TUBGCP4: variants seen among roughly 807,000 people sequenced by gnomAD.
The protein encoded by TUBGCP4 is gamma-tubulin complex component 4.
A neutral mutation model predicts 91.6 loss-of-function variants in TUBGCP4; 54 were observed. The ratio of observed to expected loss-of-function variants is 0.59; its 90% CI spans 0.47 to 0.74. The LOEUF (loss-of-function observed/expected upper bound fraction) is 0.74, where lower values mean the gene tolerates loss of function less well. Ranked by LOEUF, TUBGCP4 falls within the 30% of genes least tolerant of loss-of-function variation. TUBGCP4 has a pLI of 0.00. For missense variants in TUBGCP4, 593 were observed against 800.9 expected (o/e 0.74, Z 3.13); for synonymous variants, 297 against 302.8 (o/e 0.98, Z 0.20).
At position 43,406,902 on chromosome 15, in the gene TUBGCP4, G is replaced by T. The variant is rs2044912811; in HGVS notation, c.*1688G>T. On this transcript the variant is annotated 3_prime_UTR_variant, in exon 18 of 18. Coordinates refer to ENST00000564079, the MANE Select transcript of TUBGCP4 (RefSeq NM_014444.5). The stretch of plus-strand genomic sequence containing the variant: ...ACAGGTGAGCTGTGATCTCAGCTCA[G>T]AGAGAGAGCATGAGGTCTTTTTTAA... 3.9e-6 allele frequency: 1 copy of T among 258,942 alleles called. No individual in the cohort carries two copies. The highest frequency in any genetic ancestry group is 2.3e-5 in the African/African-American group (1 of 44,338). The allele number at this position is 258,942 out of a possible 1,614,324, so 16.0% of individuals were successfully genotyped here.
chr15:43,403,677 G>A lies in TUBGCP4; in HGVS notation c.1732-6G>A, dbSNP rs769172991. ...TTTCCTAATGCCAACTCTGTTTCCC[G>A]GGTAGGTGTTTCACTGCCTGAATGA... On this transcript the variant is annotated splice_region_variant and splice_polypyrimidine_tract_variant and intron_variant, in intron 15 of 17. Coordinates refer to ENST00000564079, the MANE Select transcript of TUBGCP4 (RefSeq NM_014444.5). 8 of 1,605,140 alleles carry A rather than the reference G, an allele frequency of 5.0e-6. No individual in the cohort carries two copies. Among genetic ancestry groups the A allele is most frequent in the Admixed American group, 3.3e-5 (2 of 59,864 alleles).
In TUBGCP4 at chr15:43,371,349, G is replaced by A. The variant is rs1372975196; in HGVS notation, c.-6G>A. ...CATAACCAGGGACTCGAGGTCCGCC[G>A]TGGGAATGATCCACGAACTGCTCTT... On this transcript the variant is annotated 5_prime_UTR_variant, in exon 1 of 18. The change creates a new upstream start codon in the 5' untranslated region. Transcript: ENST00000564079. 6.2e-7 allele frequency: 1 copy of A among 1,613,756 alleles called. No homozygotes were observed. The highest frequency in any genetic ancestry group is 1.1e-5 in the South Asian group (1 of 90,920).
rs2044693738 is a variant in TUBGCP4 at position 43,402,057 on chromosome 15, G to C, written c.1731+207G>C. 7 of 487,726 alleles carry C rather than the reference G, an allele frequency of 1.4e-5. 1 individual carries two copies. The Admixed American group carries it at 1.9e-4, about 13-fold the overall frequency. 30.2% of individuals were successfully genotyped at this position (487,726 alleles called of 1,614,324 possible). On this transcript the variant is annotated intron_variant, in intron 15 of 17. Transcript: ENST00000564079. ...GGAGGCCGAGGTGGGCGGATCACAAGGTCAGGAGTTCAAGACCAGCCTGGC... is the reference window on the plus strand; with the variant it reads ...GGAGGCCGAGGTGGGCGGATCACAACGTCAGGAGTTCAAGACCAGCCTGGC...
intron 16 of TUBGCP4, chr15:43,404,155 T>G (rs1215998367): frequency 1.9e-6 from 1 of 539,066 alleles, no homozygotes; most frequent in African/African-American, 1.9e-5. Flanking sequence ...CCAACCCCAG[T>G]ACTTGACAAA....
intron 4 of TUBGCP4, 160 bp from the exon 5 acceptor site, chr15:43,377,687 C>A (rs557315234): frequency 3.4e-6 from 2 of 588,088 alleles, no homozygotes; most frequent in Non-Finnish European, 5.9e-6. Context: ...CTGCAGCGAA[C>A]CTCCACATCA....
intron 15 of TUBGCP4, 154 bp from the exon 16 acceptor site, chr15:43,403,529 C>CT: frequency 1.7e-6 from 1 of 600,188 alleles, no homozygotes; most frequent in South Asian, 2.2e-5. Context: ...GTCTGAGGGG[C>CT]TGGCAGGCCT....
In TUBGCP4 at chr15:43,401,447, G is replaced by A. The variant is rs1320443577; in HGVS notation, c.1597-269G>A. On this transcript the variant is annotated intron_variant, in intron 14 of 17. Coordinates refer to ENST00000564079, the MANE Select transcript of TUBGCP4 (RefSeq NM_014444.5). Reference sequence around the variant, plus strand: ...AGCCTGGGTGGCAGAGCAAGACTCCGTCTCAAAAAAAAAAAAAGGAAAAAG... The same window carrying A: ...AGCCTGGGTGGCAGAGCAAGACTCCATCTCAAAAAAAAAAAAAGGAAAAAG... Among the ~76,000 whole-genome samples, 106 of 132,426 alleles carry A rather than the reference G, an allele frequency of 8.0e-4. 2 individuals are homozygous for A. The highest frequency in any genetic ancestry group is 2.9e-3 in the African/African-American group (101 of 34,816). The allele number at this position is 132,426 out of a possible 152,430, so 86.9% of individuals were successfully genotyped here. A position where few individuals can be genotyped will look rare whatever the true frequency, so the allele number is the denominator to read the frequency against.
At position 43,400,126 on chromosome 15, in the gene TUBGCP4, C is replaced by T. The variant is rs2044646966; in HGVS notation, c.1501C>T (p.Arg501Cys). The T allele has an allele frequency of 2.5e-6, 4 of 1,614,142 alleles. No individual in the cohort carries two copies. Among genetic ancestry groups the T allele is most frequent in the Non-Finnish European group, 3.4e-6 (4 of 1,180,020 alleles). Residue 501 changes from arginine (R) to cysteine (C), a missense_variant, in exon 14 of 18, where the codon CGC becomes TGC. Coordinates refer to ENST00000564079, the MANE Select transcript of TUBGCP4 (RefSeq NM_014444.5). ...LQHCWALQMQ[R>C]KHLKSNQTDA... ...GCACTGCTGGGCCCTACAAATGCAG[C>T]GCAAGCACCTCAAGTCGAACCAGAC...
Position 43,406,782 on chromosome 15 carries a change from T to A in TUBGCP4, c.*1568T>A, listed in dbSNP as rs960252866. The A allele has an allele frequency of 5.6e-6, 2 of 358,396 alleles. No individual in the cohort carries two copies. Among genetic ancestry groups the A allele is most frequent in the East Asian group, 1.5e-4 (2 of 13,372 alleles). The allele number at this position is 358,396 out of a possible 1,614,324, so 22.2% of individuals were successfully genotyped here. Reference sequence around the variant, plus strand: ...TCACTTGTGCTTCCCATGTTTATCTTACGGAAGGTCATTCCATCAAGCTTA... The same window carrying A: ...TCACTTGTGCTTCCCATGTTTATCTAACGGAAGGTCATTCCATCAAGCTTA... On this transcript the variant is annotated 3_prime_UTR_variant, in exon 18 of 18. Transcript: ENST00000564079.
intron 9 of TUBGCP4, among the ~76,000 whole-genome samples, chr15:43,387,326 A>G (rs543157254): frequency 1.5e-4 from 23 of 152,330 alleles, no homozygotes; most frequent in African/African-American, 5.1e-4. Context: ...AGGAGCATAT[A>G]TGTTCTGTGG....
intron 6 of TUBGCP4, among the ~76,000 whole-genome samples, chr15:43,382,768 G>A (rs138302368): frequency 2.0e-4 from 31 of 152,134 alleles, no homozygotes; most frequent in African/African-American, 7.5e-4. Context: ...CTATCTGGTG[G>A]GTGATCCTTT....
At chr15:43,395,500 TTACTGTA>T in intron 10 of TUBGCP4, 76 bp from the exon 11 acceptor site, 1 of 1,021,696 alleles carries the variant, frequency 9.8e-7, no homozygotes, top group Non-Finnish European at 1.5e-6. Context: ...AAATTAGAAA[TTACTGTA>T]TACATGTAAT....
chr15:43,371,291 G>T lies in TUBGCP4; in HGVS notation c.-64G>T. 1 of 1,533,484 alleles carries T rather than the reference G, an allele frequency of 6.5e-7. No individual in the cohort carries two copies. Among genetic ancestry groups the T allele is most frequent in the Non-Finnish European group, 8.9e-7 (1 of 1,119,414 alleles). 95.0% of individuals were successfully genotyped at this position (1,533,484 alleles called of 1,614,324 possible). A position where few individuals can be genotyped will look rare whatever the true frequency, so the allele number is the denominator to read the frequency against. ...GTGGAAGGGGAAGCACTCCCCTCGT[G>T]GTCGCCTGGAGGTGCGCTGGAGGAG... On this transcript the variant is annotated 5_prime_UTR_variant, in exon 1 of 18. Transcript: ENST00000564079.
At chr15:43,385,261 T>G (rs1209282752) in intron 7 of TUBGCP4, 1 of 426,304 alleles carries the variant, frequency 2.3e-6, no homozygotes, top group Admixed American at 2.6e-5. Flanking sequence ...CTTCAGGAGG[T>G]TCATGAAATG....
chr15:43,397,947 C>G (rs1595496780), intron 12 of TUBGCP4, 94 bp from the exon 13 acceptor site: 1 of 1,311,526 alleles, frequency 7.6e-7, no homozygotes, highest in East Asian at 2.4e-5. Flanking sequence ...CCTGTGAGCT[C>G]TAGTTTCATT....
intron 14 of TUBGCP4, among the ~76,000 whole-genome samples, chr15:43,400,648 G>C (rs746232521): frequency 5.3e-5 from 8 of 152,140 alleles, no homozygotes; most frequent in Non-Finnish European, 1.2e-4. Flanking sequence ...AGGTGTCATG[G>C]GTCACGTCTG....
chr15:43,388,126 C>T (rs767753938), intron 9 of TUBGCP4, among the ~76,000 whole-genome samples: 2 of 152,120 alleles, frequency 1.3e-5, no homozygotes, highest in Non-Finnish European at 2.9e-5. Flanking sequence ...GCTAAGATTA[C>T]AGGTGTGAGC....
At position 43,401,792 on chromosome 15, in the gene TUBGCP4, T is replaced by TA; in HGVS notation, c.1673_1674insA (p.Ala559GlyfsTer3). On this transcript the variant is annotated frameshift_variant, in exon 15 of 18. Transcript: ENST00000564079. LOFTEE classifies it high-confidence loss of function. ...ACCCGAGACTTTGAAAGCATCCGAT[T>TA]GGCTCATGACCACTTCCTGAGCAAT... 6.2e-7 allele frequency: 1 copy of TA among 1,614,202 alleles called. No individual in the cohort carries two copies. The highest frequency in any genetic ancestry group is 8.5e-7 in the Non-Finnish European group (1 of 1,180,022).
intron 7 of TUBGCP4, chr15:43,385,310 T>C: frequency 2.2e-6 from 1 of 455,064 alleles, no homozygotes; most frequent in Non-Finnish European, 4.4e-6. Context: ...TCCATAGCTT[T>C]TATGATTGCA....
Sources: allele counts gnomAD v4.1 joint callset (sites outside exome capture counted in the v4.1 genomes callset), GRCh38; gene constraint gnomAD v4.1.1; transcripts MANE v1.5; gene names NCBI Gene and HGNC (gene_info 2026-07-23, HGNC 2026-07-21).